Variants in ASPSCR1 observed in about 807,000 individuals in gnomAD.
ASPSCR1 encodes the protein tether containing UBX domain for GLUT4.
A neutral mutation model predicts 68.9 loss-of-function variants in ASPSCR1; 55 were observed. The observed-to-expected ratio is 0.80, with a 90% CI of 0.64 to 1.00. The LOEUF (loss-of-function observed/expected upper bound fraction) is 1.00. ASPSCR1 is among the 50% of genes least tolerant of loss of function. The pLI is 0.00. For missense variants in ASPSCR1, 765 were observed against 762.2 expected, an observed-to-expected ratio of 1.00 and a Z score of -0.04; for synonymous variants, 352 against 332.6, an observed-to-expected ratio of 1.06 and a Z score of -0.63.
chr17:82,012,114 G>A (rs1313254345), intron 11 of ASPSCR1, 117 bp from the exon 12 acceptor site: 1 of 1,230,582 alleles, frequency 8.1e-7, no homozygotes, highest in Non-Finnish European at 1.2e-6. Flanking sequence ...GTGCTCGTGA[G>A]GGGCTCTTCT....
chr17:81,981,915 C>T (rs1033651888), intron 2 of ASPSCR1, among the ~76,000 whole-genome samples: 3 of 152,216 alleles, frequency 2.0e-5, no homozygotes, highest in Admixed American at 2.0e-4. Flanking sequence ...ATCCGCCCGT[C>T]TTGGCCTCCC....
chr17:82,016,161 C>T, intron 12 of ASPSCR1: 2 of 380,094 alleles, frequency 5.3e-6, no homozygotes, highest in Non-Finnish European at 9.6e-6. Context: ...CTGGCCCCAC[C>T]TTCCTCGGGT....
chr17:81,980,173 G>T (rs1435392097), intron 2 of ASPSCR1, among the ~76,000 whole-genome samples: 1 of 152,156 alleles, frequency 6.6e-6, no homozygotes, highest in Non-Finnish European at 1.5e-5. Flanking sequence ...AGTAGAGATG[G>T]GGTTTCACCA....
At chr17:81,994,707 G>A (rs2042278767) in intron 4 of ASPSCR1, 114 bp from the exon 5 acceptor site, 1 of 1,067,456 alleles carries the variant, frequency 9.4e-7, no homozygotes, top group African/African-American at 1.6e-5. Flanking sequence ...TGTCCTGGGT[G>A]GGTGCTGGGT....
rs368174362 is a variant in ASPSCR1, at chr17:82,012,213, G to A, written c.1301-18G>A. On this transcript the variant is annotated intron_variant, in intron 11 of 15. Transcript: ENST00000306739. ...GGTCCACGGTGCTTCCTAACACGTA[G>A]GTGCCTTCTCTCCTCAGTCATCACC... 6.8e-6 allele frequency: 11 copies of A among 1,612,566 alleles called. No homozygotes were observed. The African/African-American group carries it at 1.5e-4, about 22-fold the overall frequency.
chr17:81,985,315 G>T (rs1353165108), intron 3 of ASPSCR1, among the ~76,000 whole-genome samples, 192 bp from the exon 4 acceptor site: 1 of 152,206 alleles, frequency 6.6e-6, no homozygotes, highest in Admixed American at 6.5e-5. Context: ...TGCTGGTGCA[G>T]CCCTGCCGGG....
At chr17:81,991,539 C>T (rs1026763614) in intron 4 of ASPSCR1, among the ~76,000 whole-genome samples, 1 of 152,184 alleles carries the variant, frequency 6.6e-6, no homozygotes, top group African/African-American at 2.4e-5. Flanking sequence ...CAGAGCTCTG[C>T]GGCCCGTCCC....
At position 81,999,019 on chromosome 17, in the gene ASPSCR1, C is replaced by T. The variant is rs1398334106; in HGVS notation, c.933+2173C>T. Among the ~76,000 whole-genome samples the T allele has an allele frequency of 1.3e-5, 2 of 152,238 alleles. No homozygotes were observed. The highest frequency in any genetic ancestry group is 2.9e-5 in the Non-Finnish European group (2 of 68,050). On this transcript the variant is annotated intron_variant, in intron 7 of 15. Coordinates refer to ENST00000306739, the MANE Select transcript of ASPSCR1 (RefSeq NM_024083.4). The surrounding 1 kb of genome is among the most constrained non-coding windows in gnomAD (Gnocchi z 4.4). The stretch of plus-strand genomic sequence containing the variant: ...CCCTGTGGCTGACTTTTCCTTTGTC[C>T]CTGTCCTGACCCCGCATCAGAGCCC...
At chr17:81,989,338 G>A (rs565195938) in intron 4 of ASPSCR1, among the ~76,000 whole-genome samples, 9 of 152,344 alleles carry the variant, frequency 5.9e-5, no homozygotes, top group Non-Finnish European at 8.8e-5. Context: ...CCACGGTGAG[G>A]GTGGAGTGCC....
chr17:81,981,039 A>G (rs2041778684), intron 2 of ASPSCR1, among the ~76,000 whole-genome samples: 1 of 152,204 alleles, frequency 6.6e-6, no homozygotes, highest in East Asian at 1.9e-4. Context: ...ATAAATGGCA[A>G]ATCAGAGGAC....
intron 12 of ASPSCR1, chr17:82,014,757 C>T (rs866800422): frequency 8.9e-5 from 39 of 436,046 alleles, no homozygotes; most frequent in African/African-American, 6.3e-4. Context: ...TGGGGGTTGA[C>T]GTGGGCCTCC....
chr17:81,992,899 C>T (rs2042218473), intron 4 of ASPSCR1, among the ~76,000 whole-genome samples: 1 of 152,194 alleles, frequency 6.6e-6, no homozygotes, highest in Admixed American at 6.5e-5. Context: ...AGGCTAGAGG[C>T]CCTTGGGGAA....
intron 9 of ASPSCR1, 133 bp downstream of exon 9, chr17:82,009,700 T>C: frequency 2.9e-6 from 1 of 339,428 alleles, no homozygotes; most frequent in Non-Finnish European, 4.5e-6. Context: ...CAGGACGTGG[T>C]GGCGACTGAG....
rs373747797 is a variant in ASPSCR1 at position 82,009,703 on chromosome 17, C to T, written c.1170+136C>T. On this transcript the variant is annotated intron_variant, in intron 9 of 15. Coordinates refer to ENST00000306739, the MANE Select transcript of ASPSCR1 (RefSeq NM_024083.4). ...GAGGTCTGTGGACAGGACGTGGTGG[C>T]GACTGAGGCACAGCTCTGAGCGGGC... 2.1e-4 allele frequency: 131 copies of T among 635,214 alleles called. 1 individual carries two copies. In the South Asian group the frequency reaches 2.4e-3, roughly 12 times the overall value. The allele number at this position is 635,214 out of a possible 1,614,324, so 39.3% of individuals were successfully genotyped here.
Position 81,996,717 on chromosome 17 carries a change from G to T in ASPSCR1, c.804G>T (p.Lys268Asn). 1 of 1,613,604 alleles carries T rather than the reference G, an allele frequency of 6.2e-7. No homozygotes were observed. The highest frequency in any genetic ancestry group is 1.7e-5 in the Admixed American group (1 of 60,026). Residue 268 changes from lysine (K) to asparagine (N), a missense_variant, in exon 7 of 16, where the codon AAG becomes AAT. Physicochemically the swap from Lys to Asn is moderately conservative, Grantham distance 94. Transcript: ENST00000306739. ...GGCCTCTGACATCATCTTCAGCTAA[G>T]TTGCCGAAGTCCCTCTCCAGCCCTG... ...PTRPLTSSSA[K>N]LPKSLSSPGG...
chr17:82,010,842 A>G lies in ASPSCR1; in HGVS notation c.1211A>G (p.Gln404Arg), dbSNP rs1182970812. 1.2e-6 allele frequency: 2 copies of G among 1,613,046 alleles called. No individual in the cohort carries two copies. The highest frequency in any genetic ancestry group is 2.2e-5 in the East Asian group (1 of 44,878). Reference sequence around the variant, plus strand: ...CTGTTCCCCGACCGCTACGTCCTACAGGGCTTCTTCCGCCCCAGCGAGACA... The same window carrying G: ...CTGTTCCCCGACCGCTACGTCCTACGGGGCTTCTTCCGCCCCAGCGAGACA... ...RVLFPDRYVL[Q>R]GFFRPSETVG... Residue 404 changes from glutamine (Q) to arginine (R), a missense_variant, in exon 10 of 16, where the codon CAG (glutamine) becomes CGG (arginine). By Grantham distance (43) the Gln-to-Arg change is conservative. Coordinates refer to ENST00000306739, the MANE Select transcript of ASPSCR1 (RefSeq NM_024083.4).
Position 82,015,073 on chromosome 17 carries a change from A to T in ASPSCR1, c.1354-1403A>T, listed in dbSNP as rs199665633. 4.1e-3 allele frequency: 6,496 copies of T among 1,596,302 alleles called. 20 individuals are homozygous for T. The highest frequency in any genetic ancestry group is 4.4e-3 in the Non-Finnish European group (5,155 of 1,178,810). On this transcript the variant is annotated intron_variant, in intron 12 of 15. Coordinates refer to ENST00000306739, the MANE Select transcript of ASPSCR1 (RefSeq NM_024083.4). ...ACGGTGTGACCCACTTTCCCTTTCC[A>T]GCCCCAGCTTGGTGACCGGGTGGCT... is the stretch of plus-strand genomic sequence containing the variant.
chr17:81,983,447 G>A lies in ASPSCR1; in HGVS notation c.159-107G>A. 2 of 883,212 alleles carry A rather than the reference G, an allele frequency of 2.3e-6. No homozygotes were observed. The highest frequency in any genetic ancestry group is 3.1e-5 in the South Asian group (2 of 64,312). The allele number at this position is 883,212 out of a possible 1,614,324, so 54.7% of individuals were successfully genotyped here. A position where few individuals can be genotyped will look rare whatever the true frequency, so the allele number is the denominator to read the frequency against. The stretch of plus-strand genomic sequence containing the variant: ...GAGCTGCCACAGGACGTGGATGGCG[G>A]GGCGTGGATGGCGGGGCGTGGATGG... On this transcript the variant is annotated intron_variant, in intron 2 of 15. Coordinates refer to ENST00000306739, the MANE Select transcript of ASPSCR1 (RefSeq NM_024083.4). This position sits in a 1 kb window ranked among gnomAD's most constrained non-coding sequence, Gnocchi z 4.4.
intron 4 of ASPSCR1, among the ~76,000 whole-genome samples, chr17:81,988,466 A>C (rs902655448): frequency 6.6e-6 from 1 of 151,806 alleles, no homozygotes; most frequent in Non-Finnish European, 1.5e-5. Flanking sequence ...AAAAAAAAAA[A>C]AAAAACAAGA....
Sources: gnomAD v4.1 joint callset for allele counts (sites outside exome capture counted in the v4.1 genomes callset) on GRCh38, gnomAD v4.1.1 for gene constraint, Gnocchi (gnomAD v3.1) non-coding constraint, MANE v1.5 for transcripts, NCBI Gene and HGNC (gene_info 2026-07-23, HGNC 2026-07-21) for gene names.